The following DTNB variants were observed in gnomAD, a reference collection of about 807,000 sequenced individuals.
DTNB encodes dystrobrevin beta, also known as DTN-B.
In DTNB, 63 loss-of-function variants were observed where a neutral mutation model predicts 90.7. That is an observed-to-expected ratio of 0.69 (90% CI 0.57 to 0.86). The LOEUF (loss-of-function observed/expected upper bound fraction) is 0.86. Among genes scored for constraint, DTNB ranks in the 40% least tolerant of loss-of-function variants. The probability of loss-of-function intolerance (pLI) is 0.00; values close to 1 mark genes in which losing one functional copy is unlikely to be tolerated. For missense variants in DTNB, 744 were observed against 807.1 expected (o/e 0.92, Z 0.95); for synonymous variants, 277 against 286.7 (o/e 0.97, Z 0.34).
chr2:25,462,426 T>C (rs920499378), intron 10 of DTNB, among the ~76,000 whole-genome samples: 9 of 152,250 alleles, frequency 5.9e-5, no homozygotes, highest in African/African-American at 2.2e-4. Flanking sequence ...GTAACAATTA[T>C]GTACCAAGCA....
chr2:25,505,950 C>T (rs527411249), intron 9 of DTNB, among the ~76,000 whole-genome samples: 10 of 152,280 alleles, frequency 6.6e-5, no homozygotes, highest in African/African-American at 2.2e-4. Context: ...ATGTGGTATA[C>T]TACTTGGTGG....
intron 16 of DTNB, among the ~76,000 whole-genome samples, chr2:25,397,372 C>T (rs2042660397): frequency 6.7e-6 from 1 of 150,258 alleles, no homozygotes. Context: ...AAACAGTATG[C>T]TACGTGCAAG....
chr2:25,427,879 C>A (rs150886000), intron 14 of DTNB: 44 of 281,426 alleles, frequency 1.6e-4, no homozygotes, highest in African/African-American at 8.8e-4. Flanking sequence ...ACTTATATTA[C>A]CAGAGTGAAT....
intron 16 of DTNB, among the ~76,000 whole-genome samples, chr2:25,405,221 CCTGG>C (rs2044783424): frequency 1.3e-5 from 2 of 152,172 alleles, no homozygotes; most frequent in South Asian, 4.1e-4. Flanking sequence ...AGCTACCATG[CCTGG>C]CCCGACTAAC....
chr2:25,508,537 G>GTT (rs575242257), intron 9 of DTNB, among the ~76,000 whole-genome samples: 34,100 of 126,688 alleles, frequency 0.27, 5,934 homozygotes, highest in East Asian at 0.48. Flanking sequence ...TTCGCTCTTT[G>GTT]TTTTTTATTT....
At chr2:25,593,821 A>C (rs1410714073) in intron 6 of DTNB, among the ~76,000 whole-genome samples, 1 of 152,228 alleles carries the variant, frequency 6.6e-6, no homozygotes, top group Non-Finnish European at 1.5e-5. Flanking sequence ...TTTATACCCC[A>C]CATAACTGTC....
At chr2:25,656,145 G>A (rs982254583) in intron 1 of DTNB, among the ~76,000 whole-genome samples, 1 of 152,080 alleles carries the variant, frequency 6.6e-6, no homozygotes, top group Non-Finnish European at 1.5e-5. Flanking sequence ...TTGTCTACAA[G>A]TCAGCTACTG....
chr2:25,646,909 G>A (rs2079587137), intron 2 of DTNB, among the ~76,000 whole-genome samples: 1 of 152,070 alleles, frequency 6.6e-6, no homozygotes, highest in South Asian at 2.1e-4. Context: ...GACTCTTTTT[G>A]TCAACAGAAA....
chr2:25,381,750 C>T (rs191842660), intron 19 of DTNB, among the ~76,000 whole-genome samples: 9 of 152,350 alleles, frequency 5.9e-5, no homozygotes, highest in Non-Finnish European at 1.3e-4. Flanking sequence ...CACTTCCTCC[C>T]AGGCCTAGCT....
chr2:25,429,780 C>G (rs1394646379), intron 14 of DTNB, among the ~76,000 whole-genome samples: 1 of 152,174 alleles, frequency 6.6e-6, no homozygotes, highest in Non-Finnish European at 1.5e-5. Context: ...TTCCAATGAC[C>G]TAACAATTAA....
At chr2:25,646,258 C>T (rs1573974420) in intron 2 of DTNB, among the ~76,000 whole-genome samples, 1 of 151,942 alleles carries the variant, frequency 6.6e-6, no homozygotes, top group Non-Finnish European at 1.5e-5. Flanking sequence ...GGCGGATCAC[C>T]TGAGGTCAGG....
intron 2 of DTNB, among the ~76,000 whole-genome samples, chr2:25,640,389 G>A (rs749313117): frequency 2.6e-5 from 4 of 152,016 alleles, no homozygotes; most frequent in Admixed American, 6.6e-5. Context: ...GTATGGAGGC[G>A]GGGGGTGGAG....
At chr2:25,482,712 C>T in intron 10 of DTNB, 84 bp downstream of exon 10, 1 of 1,403,530 alleles carries the variant, frequency 7.1e-7, no homozygotes, top group Non-Finnish European at 1.0e-6. Context: ...GAACAACCTG[C>T]TTTTCAGGCC....
At chr2:25,565,879 T>A (rs1442351793) in intron 8 of DTNB, among the ~76,000 whole-genome samples, 1 of 152,174 alleles carries the variant, frequency 6.6e-6, no homozygotes, top group African/African-American at 2.4e-5. Context: ...AGTAGCTAAT[T>A]GGAAAACAGG....
chr2:25,427,482 G>A, intron 15 of DTNB, 53 bp downstream of exon 15: 2 of 1,567,432 alleles, frequency 1.3e-6, no homozygotes, highest in Non-Finnish European at 1.8e-6. Flanking sequence ...CAGCAGCTGA[G>A]GCTGTGGTGG....
intron 9 of DTNB, 79 bp from the exon 10 acceptor site, chr2:25,482,952 A>G: frequency 7.2e-7 from 1 of 1,398,512 alleles, no homozygotes; most frequent in Non-Finnish European, 9.7e-7. Flanking sequence ...GCATGGTAAG[A>G]GCAAAGGGAC....
At chr2:25,588,925 C>T (rs2062972549) in intron 6 of DTNB, among the ~76,000 whole-genome samples, 1 of 152,170 alleles carries the variant, frequency 6.6e-6, no homozygotes, top group Non-Finnish European at 1.5e-5. Context: ...CAAAGGGTTG[C>T]TAACGGAGAT....
intron 9 of DTNB, among the ~76,000 whole-genome samples, chr2:25,519,340 C>G (rs1283856536): frequency 6.7e-6 from 1 of 148,380 alleles, no homozygotes. Flanking sequence ...ACTTTAGCCT[C>G]GGTGACAGAT....
At position 25,387,436 on chromosome 2, in the gene DTNB, G is replaced by T. The variant is rs2039810910; in HGVS notation, c.1736-58C>A. 1.3e-6 allele frequency: 2 copies of T among 1,536,856 alleles called. No homozygotes were observed. On this transcript the variant is annotated intron_variant, in intron 17 of 20. Transcript: ENST00000406818. The surrounding 1 kb of genome is among the most constrained non-coding windows in gnomAD (Gnocchi z 4.5). Reference sequence around the variant, plus strand: ...GGTGGGTGAGCGTGGAGAAGAGACGGCTGAGCAAATGCCTCAGTTCTGCCA... The same window carrying T: ...GGTGGGTGAGCGTGGAGAAGAGACGTCTGAGCAAATGCCTCAGTTCTGCCA...
Sources: allele counts gnomAD v4.1 joint callset (sites outside exome capture counted in the v4.1 genomes callset), GRCh38; gene constraint gnomAD v4.1.1; non-coding constraint Gnocchi (gnomAD v3.1); transcripts MANE v1.5; gene names NCBI Gene and HGNC (gene_info 2026-07-23, HGNC 2026-07-21).